Variants in NPAS2 observed in about 807,000 individuals in gnomAD.
The protein encoded by NPAS2 is neuronal PAS domain-containing protein 2.
NPAS2 carries 23 observed loss-of-function variants against 107.5 expected under a neutral mutation model. The ratio of observed to expected loss-of-function variants is 0.21; its 90% CI spans 0.15 to 0.30. The LOEUF is 0.30. Ranked by LOEUF, NPAS2 falls within the 10% of genes least tolerant of loss-of-function variation. The pLI is 1.00. For synonymous variants in NPAS2, 403 were observed against 417.5 expected (o/e 0.97, Z 0.42); for missense variants, 756 against 1,043.3 (o/e 0.72, Z 3.79).
rs1444700035 is a variant in NPAS2 at position 100,995,455 on chromosome 2, C to T, written c.2348C>T (p.Thr783Ile). The T allele has an allele frequency of 5.6e-6, 9 of 1,614,142 alleles. No homozygotes were observed. The highest frequency in any genetic ancestry group is 2.2e-5 in the East Asian group (1 of 44,868). The change falls in exon 21 of 21, where the codon ACC (threonine) becomes ATC (isoleucine). Residue 783 changes from threonine to isoleucine, a missense_variant. Physicochemically the swap from Thr to Ile is moderately conservative, Grantham distance 89 (BLOSUM62 -1). Around this residue, in one of 4 missense-constraint regions of NPAS2, gnomAD observed 496 missense variants for 594.4 expected, o/e 0.83. Transcript: ENST00000335681. ...SEQQDSLLLSTYSQQPGTLGY... is the reference protein window; with the variant it reads ...SEQQDSLLLSIYSQQPGTLGY... ...CAGCAGGACTCGCTACTTCTCTCCA[C>T]CTACTCACAACAGCCAGGGACCCTG...
At chr2:100,982,723 A>C in intron 16 of NPAS2, 1 of 243,494 alleles carries the variant, frequency 4.1e-6, no homozygotes, top group Non-Finnish European at 7.9e-6. Context: ...CACCTCTATA[A>C]CTTTGCTTTC....
intron 5 of NPAS2, among the ~76,000 whole-genome samples, chr2:100,938,084 A>T (rs1684450477): frequency 6.6e-6 from 1 of 152,280 alleles, no homozygotes; most frequent in African/African-American, 2.4e-5. Flanking sequence ...CTGGAGTGGG[A>T]GCTGTGGCTA....
At chr2:100,881,501 C>T (rs768844210) in intron 1 of NPAS2, among the ~76,000 whole-genome samples, 25 of 152,304 alleles carry the variant, frequency 1.6e-4, no homozygotes, top group Admixed American at 3.3e-4. Flanking sequence ...GGCTGGCCAA[C>T]GTGGCGAAAC....
At chr2:100,891,471 G>T (rs1010122155) in intron 1 of NPAS2, among the ~76,000 whole-genome samples, 5 of 152,156 alleles carry the variant, frequency 3.3e-5, no homozygotes, top group African/African-American at 1.2e-4. Flanking sequence ...ATTTCTGACC[G>T]CTGTGCTGTG....
intron 3 of NPAS2, among the ~76,000 whole-genome samples, chr2:100,926,542 G>GTTT (rs1683574493): frequency 6.6e-6 from 1 of 152,144 alleles, no homozygotes; most frequent in South Asian, 2.1e-4. Flanking sequence ...AACTGATCAT[G>GTTT]TTTTCCTTTT....
intron 1 of NPAS2, among the ~76,000 whole-genome samples, chr2:100,895,471 C>T (rs923559746): frequency 3.8e-4 from 58 of 152,190 alleles, no homozygotes; most frequent in African/African-American, 1.4e-3. Context: ...GGTCGCCTGA[C>T]CCCAGGCCAC....
At chr2:100,842,286 A>G (rs1281178036) in intron 1 of NPAS2, among the ~76,000 whole-genome samples, 1 of 152,210 alleles carries the variant, frequency 6.6e-6, no homozygotes, top group Non-Finnish European at 1.5e-5. Flanking sequence ...GTGAGAACCC[A>G]GGATCCTTTC....
intron 1 of NPAS2, among the ~76,000 whole-genome samples, chr2:100,823,960 C>A (rs763669614): frequency 6.6e-6 from 1 of 152,126 alleles, no homozygotes; most frequent in Admixed American, 6.5e-5. Flanking sequence ...CCTGGGGTAG[C>A]CTCCCAGCTC....
intron 3 of NPAS2, 141 bp from the exon 4 acceptor site, chr2:100,932,769 C>T: frequency 1.6e-6 from 1 of 633,184 alleles, no homozygotes; most frequent in East Asian, 2.8e-5. Context: ...ATCAGGGTAA[C>T]ATATTTCCTT....
chr2:100,852,729 C>T (rs1303745092), intron 1 of NPAS2, among the ~76,000 whole-genome samples: 1 of 152,132 alleles, frequency 6.6e-6, no homozygotes. Context: ...CTGATCCCTG[C>T]CCTGGTGTCC....
At chr2:100,824,366 A>G (rs1292170240) in intron 1 of NPAS2, among the ~76,000 whole-genome samples, 1 of 152,174 alleles carries the variant, frequency 6.6e-6, no homozygotes, top group Non-Finnish European at 1.5e-5. Context: ...AGCCCTTCCT[A>G]GGATATTTTC....
intron 15 of NPAS2, among the ~76,000 whole-genome samples, chr2:100,978,889 A>G (rs1323557276): frequency 2.0e-5 from 3 of 152,220 alleles, no homozygotes; most frequent in Non-Finnish European, 4.4e-5. Context: ...GTGCTTCAGC[A>G]GGGAGTTCTG....
chr2:100,985,750 C>T (rs1276571139), intron 16 of NPAS2: 2 of 151,900 alleles, frequency 1.3e-5, no homozygotes, highest in Non-Finnish European at 2.9e-5. Flanking sequence ...GATATATGCT[C>T]TTAATGTCAC....
intron 1 of NPAS2, among the ~76,000 whole-genome samples, chr2:100,853,536 C>T (rs566001513): frequency 6.6e-6 from 1 of 152,290 alleles, no homozygotes; most frequent in East Asian, 1.9e-4. Flanking sequence ...TTTGTAACCT[C>T]GGGCCTGGAA....
rs564772146 is a variant in NPAS2, at chr2:100,950,223, C to G, written c.598+743C>G. On this transcript the variant is annotated intron_variant, in intron 7 of 20. Transcript: ENST00000335681. ...CCTGCATTTTGTTTTCTGGGCTCCT[C>G]CAAACTCAACACAAAACAAATAACT... Among the ~76,000 whole-genome samples the G allele has an allele frequency of 5.9e-5, 9 of 152,198 alleles. No individual in the cohort carries two copies. In the South Asian group the frequency reaches 1.2e-3, roughly 21 times the overall value.
At chr2:100,952,806 G>A (rs1675311803) in intron 7 of NPAS2, among the ~76,000 whole-genome samples, 1 of 150,166 alleles carries the variant, frequency 6.7e-6, no homozygotes, top group Non-Finnish European at 1.5e-5. Flanking sequence ...TATGGGTTGA[G>A]ATAGTGTTTG....
At chr2:100,921,725 A>T (rs190183668) in intron 2 of NPAS2, among the ~76,000 whole-genome samples, 189 of 152,350 alleles carry the variant, frequency 1.2e-3, no homozygotes, top group African/African-American at 4.4e-3. Context: ...GTAAGGTAAC[A>T]TTTCAACGGC....
chr2:100,951,921 G>A (rs896490788), intron 7 of NPAS2, among the ~76,000 whole-genome samples: 2 of 151,998 alleles, frequency 1.3e-5, no homozygotes, highest in South Asian at 4.2e-4. Context: ...AGGCCGAGGC[G>A]GGCGGATCAC....
At chr2:100,852,277 G>A (rs947620146) in intron 1 of NPAS2, among the ~76,000 whole-genome samples, 1 of 152,030 alleles carries the variant, frequency 6.6e-6, no homozygotes, top group Non-Finnish European at 1.5e-5. Context: ...GGTGCCTGTA[G>A]TCCCAGCTAA....
Sources: gnomAD v4.1 joint callset for allele counts (sites outside exome capture counted in the v4.1 genomes callset) on GRCh38, gnomAD v4.1.1 for gene constraint, gnomAD v4.1.1 regional missense constraint, MANE v1.5 for transcripts, NCBI Gene and HGNC (gene_info 2026-07-23, HGNC 2026-07-21) for gene names.